Variants in CDK5RAP3 observed in about 807,000 individuals in gnomAD.
CDK5RAP3 encodes the protein CDK5 regulatory subunit-associated protein 3.
Under a neutral mutation model 73.3 loss-of-function variants are expected in CDK5RAP3, and 58 were observed. The observed-to-expected ratio is 0.79, with a 90% CI of 0.64 to 0.98. The LOEUF is 0.98. Ranked by LOEUF, CDK5RAP3 falls within the 50% of genes least tolerant of loss-of-function variation. The pLI is 0.00. For synonymous variants in CDK5RAP3, 224 were observed against 247.5 expected (o/e 0.91, Z 0.89); for missense variants, 525 against 615.8 (o/e 0.85, Z 1.56).
chr17:47,971,410 A>G lies in CDK5RAP3; in HGVS notation c.52+3A>G. 1.9e-6 allele frequency: 3 copies of G among 1,602,658 alleles called. No homozygotes were observed. Among genetic ancestry groups the G allele is most frequent in the Non-Finnish European group, 2.6e-6 (3 of 1,174,380 alleles). ...CATCCAGACCAGCAAGCTGCTCGGT[A>G]GGAGGGGGCGCCACCGCGCAGCTGG... On this transcript the variant is annotated splice_donor_region_variant and intron_variant, in intron 2 of 13. Transcript: ENST00000338399.
intron 2 of CDK5RAP3, among the ~76,000 whole-genome samples, chr17:47,972,656 A>G (rs1344470806): frequency 8.7e-6 from 1 of 114,516 alleles, no homozygotes; most frequent in African/African-American, 2.9e-5. Context: ...TAAAATGACC[A>G]CCATTCATTG....
At chr17:47,974,310 C>A in intron 4 of CDK5RAP3, 90 bp from the exon 5 acceptor site, 3 of 1,133,554 alleles carry the variant, frequency 2.6e-6, no homozygotes, top group Non-Finnish European at 2.7e-6. Flanking sequence ...GATGTAAAGG[C>A]TGGGAGAACT....
At chr17:47,977,702 T>C (rs960493696) in intron 9 of CDK5RAP3, 130 bp from the exon 10 acceptor site, 2 of 725,798 alleles carry the variant, frequency 2.8e-6, no homozygotes, top group African/African-American at 3.5e-5. Context: ...GGCACCTAAG[T>C]CAGGGCTGCA....
chr17:47,977,437 C>T (rs2036441798), intron 9 of CDK5RAP3, among the ~76,000 whole-genome samples: 2 of 152,002 alleles, frequency 1.3e-5, no homozygotes, highest in South Asian at 4.1e-4. Flanking sequence ...CGTGAGCCAC[C>T]GCGCCCGGCT....
chr17:47,969,414 G>T (rs2905845), upstream of CDK5RAP3, among the ~76,000 whole-genome samples: 98,890 of 151,540 alleles, frequency 0.65, 33,221 homozygotes, highest in East Asian at 0.76. Context: ...AAAATTAGCC[G>T]GGCGTGGTGG....
At chr17:47,971,837 AAAT>A (rs1367082424) in intron 2 of CDK5RAP3, among the ~76,000 whole-genome samples, 2 of 151,884 alleles carry the variant, frequency 1.3e-5, no homozygotes, top group African/African-American at 4.8e-5. Context: ...AAAAAAATAA[AAAT>A]AAAAAGTAGC....
chr17:47,976,616 G>A lies in CDK5RAP3; in HGVS notation c.799-96G>A, dbSNP rs142464964. On this transcript the variant is annotated intron_variant, in intron 8 of 13. Transcript: ENST00000338399. ...TGGGCTCAAGCAATCCACTATCCTC[G>A]GCCTCCCAAAGTACTGGGGTTACAG... 1,392 of 826,600 alleles carry A rather than the reference G, an allele frequency of 1.7e-3. 12 individuals are homozygous for A. The African/African-American group carries it at 0.022, about 13-fold the overall frequency. The allele number at this position is 826,600 out of a possible 1,614,324, so 51.2% of individuals were successfully genotyped here. A position where few individuals can be genotyped will look rare whatever the true frequency, so the allele number is the denominator to read the frequency against.
rs2036396335 is a variant in CDK5RAP3 at position 47,975,857 on chromosome 17, G to A, written c.654-12G>A. The A allele has an allele frequency of 1.9e-6, 3 of 1,614,132 alleles. No homozygotes were observed. The highest frequency in any genetic ancestry group is 2.5e-6 in the Non-Finnish European group (3 of 1,180,034). On this transcript the variant is annotated splice_polypyrimidine_tract_variant and intron_variant, in intron 7 of 13. Coordinates refer to ENST00000338399, the MANE Select transcript of CDK5RAP3 (RefSeq NM_176096.3). ...TGGTCGGCAGGAGAGTCAGTTGTGTGCTCTGTTGAAGCCCCACAGAGCAGG... is the reference window on the plus strand; with the variant it reads ...TGGTCGGCAGGAGAGTCAGTTGTGTACTCTGTTGAAGCCCCACAGAGCAGG...
chr17:47,981,365 G>A, intron 13 of CDK5RAP3, 31 bp downstream of exon 13: 1 of 1,613,718 alleles, frequency 6.2e-7, no homozygotes, highest in South Asian at 1.1e-5. Context: ...CTGCCAGTGG[G>A]AGGACTCCCA....
chr17:47,980,449 T>C, intron 11 of CDK5RAP3, 144 bp from the exon 12 acceptor site: 1 of 730,092 alleles, frequency 1.4e-6, no homozygotes, highest in Non-Finnish European at 2.4e-6. Context: ...TAAACATTTC[T>C]GTAGAGACAG....
chr17:47,969,556 C>CAA (rs36208323), upstream of CDK5RAP3, among the ~76,000 whole-genome samples: 90 of 79,854 alleles, frequency 1.1e-3, 1 homozygote, highest in Non-Finnish European at 1.6e-3. Flanking sequence ...GACTCCGTCT[C>CAA]AAAAAAAAAA....
At chr17:47,974,099 T>A in intron 4 of CDK5RAP3, 68 bp downstream of exon 4, 5 of 1,098,992 alleles carry the variant, frequency 4.5e-6, no homozygotes, top group Non-Finnish European at 7.0e-6. Flanking sequence ...ATAGCCTCTG[T>A]GGTCTCTCTG....
At position 47,977,921 on chromosome 17, in the gene CDK5RAP3, C is replaced by T. The variant is rs147201931; in HGVS notation, c.988+11C>T. 1.1e-4 allele frequency: 182 copies of T among 1,612,838 alleles called. 1 individual carries two copies. The East Asian group carries it at 2.9e-3, about 26-fold the overall frequency. ...AAGCAGGAACCCAGGGTAAGTGCAC[C>T]ATCCCCTGCAGCCCTGGCAAAAGTG... On this transcript the variant is annotated intron_variant, in intron 10 of 13. Coordinates refer to ENST00000338399, the MANE Select transcript of CDK5RAP3 (RefSeq NM_176096.3).
chr17:47,978,860 C>G lies in CDK5RAP3; in HGVS notation c.1020C>G (p.Ala340=). Residue 340 remains alanine (A), a synonymous_variant, in exon 11 of 14, where the codon GCC becomes GCG. Transcript: ENST00000338399. ...APEGVARGPD[A]LTLLEYTETR... ...AAGGTGTTGCCAGGGGCCCAGATGCCCTGACACTGCTTGAATACACTGAGA... is the reference window on the plus strand; with the variant it reads ...AAGGTGTTGCCAGGGGCCCAGATGCGCTGACACTGCTTGAATACACTGAGA... 1 of 1,613,980 alleles carries G rather than the reference C, an allele frequency of 6.2e-7. No individual in the cohort carries two copies. Among genetic ancestry groups the G allele is most frequent in the African/African-American group, 1.3e-5 (1 of 74,986 alleles).
In CDK5RAP3 at chr17:47,976,961, C is replaced by T. The variant is rs904700430; in HGVS notation, c.909+139C>T. 28 of 495,016 alleles carry T rather than the reference C, an allele frequency of 5.7e-5. 1 individual carries two copies. Among genetic ancestry groups the T allele is most frequent in the South Asian group, 2.8e-4 (11 of 38,728 alleles). The allele number at this position is 495,016 out of a possible 1,614,324, so 30.7% of individuals were successfully genotyped here. A position where few individuals can be genotyped will look rare whatever the true frequency, so the allele number is the denominator to read the frequency against. ...AGTCCAAGGGAGGCAGAGTTTCACA[C>T]GTCACATGTCAGAGTTTTGTTTTGT... On this transcript the variant is annotated intron_variant, in intron 9 of 13. Transcript: ENST00000338399.
chr17:47,973,863 C>T (rs1598219050), intron 3 of CDK5RAP3, 68 bp from the exon 4 acceptor site: 1 of 1,314,640 alleles, frequency 7.6e-7, no homozygotes, highest in East Asian at 2.3e-5. Flanking sequence ...ATGAATCAGC[C>T]ACCTGCAGTG....
intron 5 of CDK5RAP3, chr17:47,974,738 G>GCCCCCA (rs2036356373): frequency 2.3e-6 from 3 of 1,311,962 alleles, no homozygotes; most frequent in Middle Eastern, 6.0e-4. Flanking sequence ...GGAGTGTGCT[G>GCCCCCA]CCCCCACCCC....
intron 10 of CDK5RAP3, among the ~76,000 whole-genome samples, chr17:47,978,236 A>G (rs531405633): frequency 6.6e-6 from 1 of 151,730 alleles, no homozygotes; most frequent in South Asian, 2.1e-4. Flanking sequence ...CGCACAGCTA[A>G]TTTTATATTT....
upstream of CDK5RAP3, among the ~76,000 whole-genome samples, chr17:47,969,580 A>AAAAAAAAAAAAAG (rs1567720961): frequency 6.5e-4 from 86 of 131,374 alleles, 4 homozygotes; most frequent in African/African-American, 2.5e-3. Context: ...AAAAAAAAAA[A>AAAAAAAAAAAAAG]AAAAGAAAAG....
Sources: allele counts gnomAD v4.1 joint callset (sites outside exome capture counted in the v4.1 genomes callset), GRCh38; gene constraint gnomAD v4.1.1; transcripts MANE v1.5; gene names NCBI Gene and HGNC (gene_info 2026-07-23, HGNC 2026-07-21).